NHS: variants seen among roughly 807,000 people sequenced by gnomAD.
The protein encoded by NHS is NHS actin remodeling regulator, also known as actin remodeling regulator NHS.
A neutral mutation model predicts 72.5 loss-of-function variants in NHS; 5 were observed. That is an observed-to-expected ratio of 0.07 (90% confidence interval 0.04 to 0.14). The LOEUF is 0.14. Among genes scored for constraint, NHS ranks in the 10% least tolerant of loss-of-function variants. NHS has a pLI of 1.00. For synonymous variants in NHS, 464 were observed against 547.7 expected (o/e 0.85, Z 2.13); for missense variants, 1,072 against 1,355.7 (o/e 0.79, Z 3.29).
At chrX:17,490,472 C>T (rs1057090375) in intron 1 of NHS, among the ~76,000 whole-genome samples, 1 of 111,408 alleles carries the variant, frequency 9.0e-6, no homozygotes, top group African/African-American at 3.3e-5. Context: ...CTGTTCTGTT[C>T]CATTGGTTTA....
intron 1 of NHS, among the ~76,000 whole-genome samples, chrX:17,477,952 A>G (rs934627528): frequency 1.8e-5 from 2 of 111,535 alleles, no homozygotes; most frequent in Non-Finnish European, 3.8e-5. Context: ...CCCTGTTCTT[A>G]AAATATCCTG....
At chrX:17,610,621 C>A (rs966049670) in intron 1 of NHS, among the ~76,000 whole-genome samples, 1 of 111,953 alleles carries the variant, frequency 8.9e-6, no homozygotes, top group Non-Finnish European at 1.9e-5. Context: ...GGCCACATTG[C>A]TTCTTGAAGA....
At chrX:17,680,890 G>A (rs1011047896) in intron 1 of NHS, among the ~76,000 whole-genome samples, 4 of 112,420 alleles carry the variant, frequency 3.6e-5, no homozygotes, top group African/African-American at 1.3e-4. Context: ...GGAGGTGTCT[G>A]GTATAGAACA....
chrX:17,422,437 C>A lies in NHS; in HGVS notation c.565+46115C>A, dbSNP rs190399428. On this transcript the variant is annotated intron_variant, in intron 1 of 8. Coordinates refer to ENST00000676302, the MANE Select transcript of NHS (RefSeq NM_001291867.2). ...TCAATCTATAGGTTTTTATCGAAAA[C>A]CCTCTATATGCTTAGCATGTGTCTC... Among the ~76,000 whole-genome samples, 584 of 110,621 alleles carry A rather than the reference C, an allele frequency of 5.3e-3. 7 individuals are homozygous for A. The highest frequency in any genetic ancestry group is 0.018 in the African/African-American group (560 of 30,438).
intron 1 of NHS, among the ~76,000 whole-genome samples, chrX:17,483,272 A>G (rs184676398): frequency 8.9e-6 from 1 of 112,269 alleles, no homozygotes; most frequent in African/African-American, 3.2e-5. Context: ...CCAATATTAT[A>G]ATAGATATAT....
intron 1 of NHS, among the ~76,000 whole-genome samples, chrX:17,596,079 A>G (rs1339095367): frequency 2.7e-5 from 3 of 111,625 alleles, no homozygotes; most frequent in Non-Finnish European, 3.8e-5. Context: ...ACTCACCACT[A>G]TTTATTGAAA....
chrX:17,721,822 C>T (rs1024779797), intron 5 of NHS, among the ~76,000 whole-genome samples, 189 bp downstream of exon 5: 3 of 111,609 alleles, frequency 2.7e-5, no homozygotes, highest in East Asian at 2.8e-4. Flanking sequence ...ATGTTTTCCG[C>T]GGGCCACTTG....
intron 1 of NHS, among the ~76,000 whole-genome samples, chrX:17,386,663 C>CAAAAAAAA (rs1184465152): frequency 1.3e-4 from 5 of 38,407 alleles, no homozygotes; most frequent in African/African-American, 3.6e-4. Context: ...AACTCTGTCT[C>CAAAAAAAA]AAAAAAAAAA....
chrX:17,509,777 A>G (rs1569269684), intron 1 of NHS, among the ~76,000 whole-genome samples: 2 of 111,703 alleles, frequency 1.8e-5, no homozygotes, highest in Non-Finnish European at 3.8e-5. Flanking sequence ...CCACTTAGCA[A>G]TAAGAAATGG....
intron 1 of NHS, among the ~76,000 whole-genome samples, chrX:17,579,711 G>A (rs999979565): frequency 6.3e-5 from 7 of 111,158 alleles, no homozygotes; most frequent in African/African-American, 2.3e-4. Context: ...TGGTCCAGTC[G>A]GTGGTCACCT....
At chrX:17,728,810 G>A (rs748690334) in intron 8 of NHS, 35 bp downstream of exon 8, 1 of 1,209,692 alleles carries the variant, frequency 8.3e-7, no homozygotes, top group Non-Finnish European at 1.1e-6. Context: ...CAAAACAAAA[G>A]GTACAACAAA....
At chrX:17,489,478 TTTGTTGTTG>T (rs201911048) in intron 1 of NHS, among the ~76,000 whole-genome samples, 2 of 111,043 alleles carry the variant, frequency 1.8e-5, no homozygotes, top group African/African-American at 6.5e-5. Flanking sequence ...TTTGTTTTTC[TTTGTTGTTG>T]TTGTTGTTGT....
At chrX:17,491,170 G>A (rs2064989347) in intron 1 of NHS, among the ~76,000 whole-genome samples, 1 of 111,773 alleles carries the variant, frequency 8.9e-6, no homozygotes, top group Non-Finnish European at 1.9e-5. Context: ...GTGTTGAATA[G>A]GAGTGGTGAG....
rs1365609443 is a variant in NHS at position 17,399,061 on chromosome X, A to G, written c.565+22739A>G. Reference sequence around the variant, plus strand: ...AGGATCTGAAAGCATGGCTCTTTCTATAGACCATGGGGATTCCTGCCTACT... The same window carrying G: ...AGGATCTGAAAGCATGGCTCTTTCTGTAGACCATGGGGATTCCTGCCTACT... On this transcript the variant is annotated intron_variant, in intron 1 of 8. Coordinates refer to ENST00000676302, the MANE Select transcript of NHS (RefSeq NM_001291867.2). Among the ~76,000 whole-genome samples, 3 of 111,837 alleles carry G rather than the reference A, an allele frequency of 2.7e-5. No individual in the cohort carries two copies. In the Admixed American group the frequency reaches 2.8e-4, roughly 11 times the overall value.
chrX:17,690,662 G>T (rs752545057), intron 2 of NHS, among the ~76,000 whole-genome samples: 1 of 112,259 alleles, frequency 8.9e-6, no homozygotes, highest in Non-Finnish European at 1.9e-5. Flanking sequence ...CTAGTGGAGA[G>T]ACAGACAAGT....
At chrX:17,380,524 GT>G (rs759314634) in intron 1 of NHS, among the ~76,000 whole-genome samples, 1 of 109,866 alleles carries the variant, frequency 9.1e-6, no homozygotes, top group Non-Finnish European at 1.9e-5. Flanking sequence ...GGCTAATTTT[GT>G]TTTTTTTCAT....
chrX:17,505,815 G>A (rs1364872735), intron 1 of NHS, among the ~76,000 whole-genome samples: 1 of 110,951 alleles, frequency 9.0e-6, no homozygotes, highest in African/African-American at 3.3e-5. Flanking sequence ...GTGGATATGT[G>A]TGTGTATGAG....
rs772473004 is a variant in NHS at position 17,727,096 on chromosome X, C to T, written c.2990C>T (p.Thr997Ile). The T allele has an allele frequency of 9.1e-6, 11 of 1,210,307 alleles. No individual in the cohort carries two copies. The highest frequency in any genetic ancestry group is 1.7e-5 in the African/African-American group (1 of 57,196). ...TCACAATCAGAATCAAGAGCCACCA[C>T]CCCATCTCTTCCTTCTGTTGACAAT... ...QTSQSESRAT[T>I]PSLPSVDNEF... Residue 997 changes from threonine to isoleucine, a missense_variant, in exon 7 of 9, where the codon ACC becomes ATC. Physicochemically the swap from Thr to Ile is moderately conservative, Grantham distance 89 (BLOSUM62 -1). Coordinates refer to ENST00000676302, the MANE Select transcript of NHS (RefSeq NM_001291867.2).
At chrX:17,639,061 TG>T (rs767982504) in intron 1 of NHS, among the ~76,000 whole-genome samples, 1 of 111,976 alleles carries the variant, frequency 8.9e-6, no homozygotes, top group East Asian at 2.8e-4. Context: ...TCCCCTGAAC[TG>T]TCTTGATCTC....
Sources: gnomAD v4.1 joint callset for allele counts (sites outside exome capture counted in the v4.1 genomes callset) on GRCh38, gnomAD v4.1.1 for gene constraint, MANE v1.5 for transcripts, NCBI Gene and HGNC (gene_info 2026-07-23, HGNC 2026-07-21) for gene names.